Variants in SLX4IP observed in about 807,000 individuals in gnomAD.
SLX4IP encodes SLX4 interacting protein.
A neutral mutation model predicts 32.9 loss-of-function variants in SLX4IP; 34 were observed. The ratio of observed to expected loss-of-function variants is 1.03; its 90% CI spans 0.79 to 1.38. SLX4IP has a LOEUF of 1.38. Among genes scored for constraint, SLX4IP ranks in the 40% most tolerant of loss-of-function variants. SLX4IP has a pLI of 0.00. For missense variants in SLX4IP, 444 were observed against 479.0 expected (o/e 0.93, Z 0.68); for synonymous variants, 172 against 171.7 (o/e 1.00, Z -0.01).
At chr20:10,490,285 A>G (rs1394384363) in intron 2 of SLX4IP, among the ~76,000 whole-genome samples, 1 of 152,194 alleles carries the variant, frequency 6.6e-6, no homozygotes, top group Non-Finnish European at 1.5e-5. Context: ...TGAATAAAAT[A>G]TAATAATTAA....
chr20:10,586,643 T>A (rs2066648750), intron 4 of SLX4IP, among the ~76,000 whole-genome samples: 1 of 151,296 alleles, frequency 6.6e-6, no homozygotes, highest in African/African-American at 2.4e-5. Context: ...GAAAAAAAGA[T>A]GAAGAGAAAT....
chr20:10,535,918 CTTTGT>C (rs1264426038), intron 2 of SLX4IP, among the ~76,000 whole-genome samples: 5 of 152,044 alleles, frequency 3.3e-5, no homozygotes, highest in Non-Finnish European at 7.4e-5. Context: ...TTGGAGAATG[CTTTGT>C]TTTGAGAAAG....
intron 4 of SLX4IP, among the ~76,000 whole-genome samples, chr20:10,598,348 C>A (rs1197895687): frequency 2.0e-5 from 3 of 152,180 alleles, no homozygotes; most frequent in Non-Finnish European, 4.4e-5. Flanking sequence ...ACTACAACCT[C>A]CACTTCCCAG....
intron 2 of SLX4IP, among the ~76,000 whole-genome samples, chr20:10,555,485 C>G (rs558249773): frequency 6.6e-6 from 1 of 152,148 alleles, no homozygotes; most frequent in Non-Finnish European, 1.5e-5. Context: ...AAAAATGTAG[C>G]TTATCAGTTA....
chr20:10,581,742 C>T (rs1224152779), intron 4 of SLX4IP, among the ~76,000 whole-genome samples: 2 of 151,956 alleles, frequency 1.3e-5, no homozygotes, highest in Non-Finnish European at 2.9e-5. Flanking sequence ...ATAGTGATAC[C>T]CCATCTCTAC....
chr20:10,583,694 A>G (rs1192634748), intron 4 of SLX4IP, among the ~76,000 whole-genome samples: 2 of 152,162 alleles, frequency 1.3e-5, no homozygotes, highest in African/African-American at 4.8e-5. Context: ...CTGGCAACAC[A>G]TGATTTCTGG....
intron 3 of SLX4IP, 84 bp downstream of exon 3, chr20:10,556,404 T>A: frequency 7.4e-7 from 1 of 1,342,298 alleles, no homozygotes; most frequent in Non-Finnish European, 1.0e-6. Flanking sequence ...TTCATTTCTG[T>A]TAGTGGGAAA....
At chr20:10,566,233 T>TTTAGTTAAC (rs886253891) in intron 4 of SLX4IP, among the ~76,000 whole-genome samples, 2 of 120,364 alleles carry the variant, frequency 1.7e-5, no homozygotes, top group African/African-American at 5.1e-5. Context: ...TTGCCATTGT[T>TTTAGTTAAC]TTAGTTAACT....
Position 10,496,332 on chromosome 20 carries a change from C to A in SLX4IP, c.27+38101C>A, listed in dbSNP as rs369337320. On this transcript the variant is annotated intron_variant, in intron 2 of 7. Transcript: ENST00000334534. ...CCCTTTATTTTGTGTCTTCTTTTTC[C>A]TATTCCTGTCTTCTGCTTAATTCAT... Among the ~76,000 whole-genome samples, 580 of 152,160 alleles carry A rather than the reference C, an allele frequency of 3.8e-3. 6 individuals carry two copies. Among genetic ancestry groups the A allele is most frequent in the Middle Eastern group, 0.031 (9 of 294 alleles).
At chr20:10,535,015 C>G (rs1041244421) in intron 2 of SLX4IP, among the ~76,000 whole-genome samples, 1 of 152,110 alleles carries the variant, frequency 6.6e-6, no homozygotes. Context: ...GTGGAAGGCC[C>G]CTCCAAAGGT....
intron 2 of SLX4IP, among the ~76,000 whole-genome samples, chr20:10,538,629 G>A (rs540854867): frequency 2.0e-5 from 3 of 151,884 alleles, no homozygotes; most frequent in South Asian, 4.2e-4. Flanking sequence ...GGGTTCAAGC[G>A]ATTCTCCTGC....
chr20:10,563,179 T>C (rs1361579484), intron 4 of SLX4IP, among the ~76,000 whole-genome samples: 1 of 152,260 alleles, frequency 6.6e-6, no homozygotes, highest in African/African-American at 2.4e-5. Flanking sequence ...AAGCAATGTT[T>C]CATATACTTG....
chr20:10,544,431 G>C (rs902521293), intron 2 of SLX4IP, among the ~76,000 whole-genome samples: 1 of 152,166 alleles, frequency 6.6e-6, no homozygotes, highest in African/African-American at 2.4e-5. Context: ...AGTTGCCAAG[G>C]CTGGAGTGCA....
chr20:10,527,067 T>G (rs1383081615), intron 2 of SLX4IP, among the ~76,000 whole-genome samples: 1 of 152,212 alleles, frequency 6.6e-6, no homozygotes, highest in Non-Finnish European at 1.5e-5. Context: ...AATCAAAAGA[T>G]ATATCATCTT....
At chr20:10,446,183 G>A (rs370706559) in intron 1 of SLX4IP, among the ~76,000 whole-genome samples, 2 of 151,858 alleles carry the variant, frequency 1.3e-5, no homozygotes, top group South Asian at 2.1e-4. Flanking sequence ...GGAGGCTGAG[G>A]TGGGTGGATC....
At position 10,617,892 on chromosome 20, in the gene SLX4IP, T is replaced by C. The variant is rs1412558820; in HGVS notation, c.406-3422T>C. Among the ~76,000 whole-genome samples the C allele has an allele frequency of 3.3e-5, 5 of 152,036 alleles. No homozygotes were observed. In the South Asian group the frequency reaches 8.3e-4, roughly 25 times the overall value. ...CTGAGCTCAAGCTATCCTCCTACCT[T>C]GGCCTCCCAAAGTGCTGGGATTACA... On this transcript the variant is annotated intron_variant, in intron 6 of 7. Transcript: ENST00000334534.
At chr20:10,603,564 G>A (rs986236882) in intron 6 of SLX4IP, among the ~76,000 whole-genome samples, 26 of 152,294 alleles carry the variant, frequency 1.7e-4, no homozygotes, top group African/African-American at 5.5e-4. Context: ...CATGAGGCTC[G>A]TTCCTTGTTT....
At position 10,472,234 on chromosome 20, in the gene SLX4IP, CT is replaced by C. The variant is rs5840380; in HGVS notation, c.27+14017del. 5.3e-3 allele frequency among the ~76,000 whole-genome samples: 756 copies of C among 142,346 alleles called. 14 individuals are homozygous for C. In the South Asian group the frequency reaches 0.068, roughly 13 times the overall value. The allele number at this position is 142,346 out of a possible 152,430, so 93.4% of individuals were successfully genotyped here. A position where few individuals can be genotyped will look rare whatever the true frequency, so the allele number is the denominator to read the frequency against. On this transcript the variant is annotated intron_variant, in intron 2 of 7. Coordinates refer to ENST00000334534, the MANE Select transcript of SLX4IP (RefSeq NM_001009608.3). ...AACTCTACATTTCCGTAATACTATA[CT>C]TTTTTTTTTTTTTGAGATGGAGTCT... is the stretch of plus-strand genomic sequence containing the variant.
In SLX4IP at chr20:10,598,595, T is replaced by C. The variant is rs1235583339; in HGVS notation, c.239-80T>C. 5 of 1,276,886 alleles carry C rather than the reference T, an allele frequency of 3.9e-6. No homozygotes were observed. The African/African-American group carries it at 7.3e-5, about 19-fold the overall frequency. The allele number at this position is 1,276,886 out of a possible 1,614,324, so 79.1% of individuals were successfully genotyped here. On this transcript the variant is annotated intron_variant, in intron 4 of 7. Coordinates refer to ENST00000334534, the MANE Select transcript of SLX4IP (RefSeq NM_001009608.3). ...GCTAAATAACTATTGAATGTGTCTT[T>C]TATGGCAGGCACTGGGCTGAACTCC...
Sources: allele counts gnomAD v4.1 joint callset (sites outside exome capture counted in the v4.1 genomes callset), GRCh38; gene constraint gnomAD v4.1.1; transcripts MANE v1.5; gene names NCBI Gene and HGNC (gene_info 2026-07-23, HGNC 2026-07-21).